Variants in CHN1 observed in about 807,000 individuals in gnomAD.
CHN1 encodes chimerin 1, also known as N-chimaerin.
Under a neutral mutation model 59.5 loss-of-function variants are expected in CHN1, and 37 were observed. The ratio of observed to expected loss-of-function variants is 0.62; its 90% CI spans 0.48 to 0.82. The LOEUF (loss-of-function observed/expected upper bound fraction) is 0.82. CHN1 is among the 40% of genes least tolerant of loss of function. CHN1 has a pLI of 0.00. For missense variants in CHN1, 469 were observed against 571.0 expected, an observed-to-expected ratio of 0.82 and a Z score of 1.82; for synonymous variants, 206 against 200.4, an observed-to-expected ratio of 1.03 and a Z score of -0.24.
intron 7 of CHN1, among the ~76,000 whole-genome samples, chr2:174,832,345 ACTT>A (rs1685907496): frequency 2.6e-5 from 4 of 151,948 alleles, no homozygotes; most frequent in Admixed American, 1.3e-4. Context: ...TTCCTTAAGT[ACTT>A]GGTTTAATTG....
chr2:174,824,061 A>G (rs1205424906), intron 8 of CHN1, among the ~76,000 whole-genome samples: 1 of 152,246 alleles, frequency 6.6e-6, no homozygotes, highest in East Asian at 1.9e-4. Context: ...CAAGGCAACA[A>G]TCATAGGTCC....
At chr2:174,848,958 A>C (rs1476007674) in intron 6 of CHN1, among the ~76,000 whole-genome samples, 1 of 152,204 alleles carries the variant, frequency 6.6e-6, no homozygotes, top group Non-Finnish European at 1.5e-5. Flanking sequence ...GATGACTAAA[A>C]ATATAACGGC....
At chr2:174,989,370 C>T (rs61564353) in intron 1 of CHN1, among the ~76,000 whole-genome samples, 1 of 150,496 alleles carries the variant, frequency 6.6e-6, no homozygotes, top group Non-Finnish European at 1.5e-5. Context: ...GAGGAAACTC[C>T]AACTCAAAAA....
chr2:174,981,920 A>C (rs1395537320), intron 1 of CHN1, among the ~76,000 whole-genome samples: 1 of 152,098 alleles, frequency 6.6e-6, no homozygotes, highest in Non-Finnish European at 1.5e-5. Flanking sequence ...AACATTAGGT[A>C]TATCTCCTAA....
intron 6 of CHN1, among the ~76,000 whole-genome samples, chr2:174,853,796 A>G (rs1278369283): frequency 6.6e-6 from 1 of 152,218 alleles, no homozygotes; most frequent in Non-Finnish European, 1.5e-5. Context: ...TTGCAGCAAC[A>G]TGGACAGAGC....
At position 174,872,749 on chromosome 2, in the gene CHN1, A is replaced by G. The variant is rs111484912; in HGVS notation, c.549+5091T>C. 6.1e-3 allele frequency among the ~76,000 whole-genome samples: 934 copies of G among 152,330 alleles called. 6 individuals carry two copies. Among genetic ancestry groups the G allele is most frequent in the Non-Finnish European group, 9.4e-3 (638 of 68,024 alleles). On this transcript the variant is annotated intron_variant, in intron 6 of 12. Transcript: ENST00000409900. ...CAAGCACTCAAAAGATGGATCTTAA[A>G]GAGAAATCTGAACATGCTATTCCTA...
chr2:174,879,723 T>C (rs1687676599), intron 5 of CHN1, among the ~76,000 whole-genome samples: 1 of 152,312 alleles, frequency 6.6e-6, no homozygotes, highest in African/African-American at 2.4e-5. Flanking sequence ...ACACATAGCA[T>C]TGAGTCCCTT....
chr2:174,802,109 G>A, intron 11 of CHN1: 1 of 300,856 alleles, frequency 3.3e-6, no homozygotes, highest in Non-Finnish European at 6.5e-6. Context: ...TGGAATACAG[G>A]ATGTAACTAC....
intron 1 of CHN1, among the ~76,000 whole-genome samples, chr2:174,991,238 C>A (rs1691539173): frequency 6.6e-6 from 1 of 152,228 alleles, no homozygotes; most frequent in East Asian, 1.9e-4. Context: ...AGAAAGGCTT[C>A]CCTTCACCAA....
At chr2:174,919,775 T>G (rs528173896) in intron 3 of CHN1, among the ~76,000 whole-genome samples, 11 of 152,180 alleles carry the variant, frequency 7.2e-5, no homozygotes, top group East Asian at 3.8e-4. Flanking sequence ...TTTTTTTTTT[T>G]TGTGGTTAGA....
At chr2:174,846,528 C>T (rs1686522184) in intron 7 of CHN1, 3 of 1,348,204 alleles carry the variant, frequency 2.2e-6, no homozygotes, top group Non-Finnish European at 2.9e-6. Context: ...CAGATCTAAT[C>T]CTCTCATAAA....
rs1574117827 is a variant in CHN1 at position 174,877,984 on chromosome 2, G to A, written c.405C>T (p.Ala135=). 5.0e-6 allele frequency: 8 copies of A among 1,613,686 alleles called. No homozygotes were observed. In the East Asian group the frequency reaches 1.6e-4, roughly 31 times the overall value. Residue 135 remains alanine (A), a synonymous_variant, in exon 6 of 13, where the codon GCC becomes GCT. Transcript: ENST00000409900. ...YIETKAAEYI[A]KMTINPIYEH... Reference sequence around the variant, plus strand: ...CATAAATTGGGTTTATCGTCATCTTGGCAATGTATTCTGCTGCCTTGGTTT... The same window carrying A: ...CATAAATTGGGTTTATCGTCATCTTAGCAATGTATTCTGCTGCCTTGGTTT...
At chr2:174,907,920 T>C (rs1688587164) in intron 5 of CHN1, among the ~76,000 whole-genome samples, 1 of 152,184 alleles carries the variant, frequency 6.6e-6, no homozygotes, top group Non-Finnish European at 1.5e-5. Context: ...AAAATATAAT[T>C]TTCCCAAACA....
At chr2:174,833,844 T>G (rs552889483) in intron 7 of CHN1, among the ~76,000 whole-genome samples, 1 of 150,158 alleles carries the variant, frequency 6.7e-6, no homozygotes, top group African/African-American at 2.5e-5. Flanking sequence ...CAGGTTGGAG[T>G]GCAGTGGCAC....
chr2:175,002,025 GA>G (rs754219622), intron 1 of CHN1, among the ~76,000 whole-genome samples: 1 of 152,212 alleles, frequency 6.6e-6, no homozygotes, highest in East Asian at 1.9e-4. Context: ...GGTAATTAGT[GA>G]ATTAGGTGCA....
Position 175,005,179 on chromosome 2 carries a change from G to A in CHN1, c.-267C>T, listed in dbSNP as rs1337210824. 1 of 1,262,602 alleles carries A rather than the reference G, an allele frequency of 7.9e-7. No individual in the cohort carries two copies. The highest frequency in any genetic ancestry group is 1.0e-6 in the Non-Finnish European group (1 of 1,002,086). The allele number at this position is 1,262,602 out of a possible 1,614,324, so 78.2% of individuals were successfully genotyped here. On this transcript the variant is annotated 5_prime_UTR_variant, in exon 1 of 13. Transcript: ENST00000409900. Reference sequence around the variant, plus strand: ...CCGGCACTTGTCGCTGCCATCAGGCGCGGAGCGTGCGCGCGGGAGGAGGTA... The same window carrying A: ...CCGGCACTTGTCGCTGCCATCAGGCACGGAGCGTGCGCGCGGGAGGAGGTA...
At chr2:174,808,460 T>G (rs1459864795) in intron 11 of CHN1, among the ~76,000 whole-genome samples, 1 of 152,108 alleles carries the variant, frequency 6.6e-6, no homozygotes, top group Non-Finnish European at 1.5e-5. Context: ...ATTTTTTGTA[T>G]TTTTAGTAGA....
chr2:175,003,422 T>C (rs1691952188), intron 1 of CHN1, among the ~76,000 whole-genome samples: 1 of 152,240 alleles, frequency 6.6e-6, no homozygotes, highest in Non-Finnish European at 1.5e-5. Flanking sequence ...TAGAAATCCT[T>C]TTAAAAGAGC....
chr2:175,000,936 T>G (rs997793704), intron 1 of CHN1, among the ~76,000 whole-genome samples: 3 of 152,162 alleles, frequency 2.0e-5, no homozygotes. Flanking sequence ...AGACAGGGTC[T>G]TGCTGTGTTG....
Sources: gnomAD v4.1 joint callset for allele counts (sites outside exome capture counted in the v4.1 genomes callset) on GRCh38, gnomAD v4.1.1 for gene constraint, MANE v1.5 for transcripts, NCBI Gene and HGNC (gene_info 2026-07-23, HGNC 2026-07-21) for gene names.